KLHDC10: variants seen among roughly 807,000 people sequenced by gnomAD.
The protein encoded by KLHDC10 is kelch domain-containing protein 10.
Under a neutral mutation model 56.1 loss-of-function variants are expected in KLHDC10, and 24 were observed. That is an observed-to-expected ratio of 0.43 (90% confidence interval 0.31 to 0.60). The LOEUF (loss-of-function observed/expected upper bound fraction) is 0.60, where lower values mean the gene tolerates loss of function less well. Among genes scored for constraint, KLHDC10 ranks in the 20% least tolerant of loss-of-function variants. KLHDC10 has a pLI of 0.11. For synonymous variants in KLHDC10, 188 were observed against 207.1 expected (o/e 0.91, Z 0.79); for missense variants, 349 against 567.0 (o/e 0.62, Z 3.91).
At chr7:130,085,784 A>T (rs1795680174) in intron 1 of KLHDC10, among the ~76,000 whole-genome samples, 1 of 148,594 alleles carries the variant, frequency 6.7e-6, no homozygotes, top group Non-Finnish European at 1.5e-5. Flanking sequence ...CAGTGAGCCG[A>T]CATTGCACCA....
intron 2 of KLHDC10, among the ~76,000 whole-genome samples, chr7:130,107,872 C>T (rs1260060345): frequency 1.7e-5 from 2 of 116,014 alleles, no homozygotes; most frequent in African/African-American, 7.2e-5. Context: ...AAAAAAGAGC[C>T]GGACGCGGTG....
In KLHDC10 at chr7:130,130,067, A is replaced by G. The variant is rs1215750696; in HGVS notation, c.1120-470A>G. Among the ~76,000 whole-genome samples, 3 of 152,102 alleles carry G rather than the reference A, an allele frequency of 2.0e-5. No homozygotes were observed. Among genetic ancestry groups the G allele is most frequent in the African/African-American group, 7.2e-5 (3 of 41,416 alleles). On this transcript the variant is annotated intron_variant, in intron 9 of 9. Transcript: ENST00000335420. The surrounding 1 kb of genome is among the most constrained non-coding windows in gnomAD (Gnocchi z 4.2). ...CGCGGTGGCTCAGGCCTGTAATCCC[A>G]GCACTTTGGGAGGCCAAGGTGGGCG...
Position 130,109,936 on chromosome 7 carries a change from G to T in KLHDC10, c.254-6509G>T, listed in dbSNP as rs956911165. 2.0e-5 allele frequency among the ~76,000 whole-genome samples: 3 copies of T among 152,340 alleles called. No individual in the cohort carries two copies. The East Asian group carries it at 5.8e-4, about 29-fold the overall frequency. ...TTACAGGCATGACCCACCGTGCTGG[G>T]CCAATAATGTTCTTTAATAGCAGTA... On this transcript the variant is annotated intron_variant, in intron 2 of 9. Transcript: ENST00000335420.
At chr7:130,078,968 A>G (rs1464264507) in intron 1 of KLHDC10, among the ~76,000 whole-genome samples, 1 of 152,192 alleles carries the variant, frequency 6.6e-6, no homozygotes, top group African/African-American at 2.4e-5. Context: ...TTAAGATTAG[A>G]TCTGGCTTTA....
At chr7:130,095,054 A>G (rs939050363) in intron 1 of KLHDC10, 9 of 152,080 alleles carry the variant, frequency 5.9e-5, no homozygotes, top group African/African-American at 2.2e-4. Flanking sequence ...ATTAGAATGT[A>G]AACTTAAGGG....
At position 130,134,259 on chromosome 7, in the gene KLHDC10, A is replaced by G. The variant is rs1253861842; in HGVS notation, c.*3513A>G. The G allele has an allele frequency of 2.0e-5, 3 of 152,342 alleles. No homozygotes were observed. The highest frequency in any genetic ancestry group is 4.4e-5 in the Non-Finnish European group (3 of 68,038). 9.4% of individuals were successfully genotyped at this position (152,342 alleles called of 1,614,324 possible). A position where few individuals can be genotyped will look rare whatever the true frequency, so the allele number is the denominator to read the frequency against. ...AAGGAATAATCAGTAGGAGCTGACA[A>G]CCAGTGACCATATAAGCAGCTGATT... On this transcript the variant is annotated 3_prime_UTR_variant, in exon 10 of 10. Coordinates refer to ENST00000335420, the MANE Select transcript of KLHDC10 (RefSeq NM_014997.4).
intron 1 of KLHDC10, among the ~76,000 whole-genome samples, chr7:130,093,265 C>T (rs1002186898): frequency 6.6e-6 from 1 of 152,044 alleles, no homozygotes; most frequent in African/African-American, 2.4e-5. Context: ...AGTGCAGTGG[C>T]GTGATCTTGG....
intron 2 of KLHDC10, among the ~76,000 whole-genome samples, chr7:130,100,873 G>T (rs975546359): frequency 6.6e-5 from 10 of 151,970 alleles, no homozygotes; most frequent in Non-Finnish European, 1.3e-4. Context: ...CAGTAATGGC[G>T]TAATGAAAAC....
chr7:130,098,247 C>T (rs1795879017), intron 2 of KLHDC10, among the ~76,000 whole-genome samples: 1 of 152,096 alleles, frequency 6.6e-6, no homozygotes, highest in Admixed American at 6.6e-5. Flanking sequence ...AATCCCAGCT[C>T]TTTGGGAGGC....
chr7:130,126,027 C>A, intron 7 of KLHDC10, 96 bp downstream of exon 7: 1 of 868,272 alleles, frequency 1.2e-6, no homozygotes, highest in South Asian at 1.7e-5. Context: ...AGTTATATGT[C>A]AAGTTAAATA....
rs3043725 is a variant in KLHDC10 at position 130,107,843 on chromosome 7, C to CAAAAAAAAAAAAAAAAAAAAA, written c.254-8598_254-8578dup. On this transcript the variant is annotated intron_variant, in intron 2 of 9. Transcript: ENST00000335420. ...TGGGCGACAGAGTGGGACTCCGTCT[C>CAAAAAAAAAAAAAAAAAAAAA]AAAAAAAAAAAAAAAAAAAAAAAAG... is the stretch of plus-strand genomic sequence containing the variant. Among the ~76,000 whole-genome samples, 2 of 26,036 alleles carry CAAAAAAAAAAAAAAAAAAAAA rather than the reference C, an allele frequency of 7.7e-5. 1 individual carries two copies. The highest frequency in any genetic ancestry group is 1.1e-4 in the Non-Finnish European group (2 of 17,552). The allele number at this position is 26,036 out of a possible 152,430, so 17.1% of individuals were successfully genotyped here.
At chr7:130,129,797 C>T (rs1796371336) in intron 9 of KLHDC10, among the ~76,000 whole-genome samples, 1 of 152,130 alleles carries the variant, frequency 6.6e-6, no homozygotes, top group South Asian at 2.1e-4. Context: ...AGAAATGCTA[C>T]CTGTGGCATT....
chr7:130,104,902 G>T (rs1197672862), intron 2 of KLHDC10, among the ~76,000 whole-genome samples: 2 of 152,088 alleles, frequency 1.3e-5, no homozygotes, highest in Admixed American at 6.5e-5. Context: ...CCAACACTGG[G>T]GATTACAATT....
intron 1 of KLHDC10, among the ~76,000 whole-genome samples, chr7:130,084,141 T>A (rs1483253292): frequency 1.3e-5 from 2 of 152,230 alleles, no homozygotes; most frequent in African/African-American, 4.8e-5. Context: ...ACATGCTTCA[T>A]ATTTCTGAAG....
chr7:130,079,405 T>C (rs1024740489), intron 1 of KLHDC10, among the ~76,000 whole-genome samples: 3 of 152,172 alleles, frequency 2.0e-5, no homozygotes, highest in Non-Finnish European at 4.4e-5. Flanking sequence ...TGTATTTTAT[T>C]AGAAGTAATG....
Position 130,127,460 on chromosome 7 carries a change from T to C in KLHDC10, c.979+9T>C. ...TGTTCAAATAAAAAATGGTAAGGAT[T>C]CTAAATAACATTTTGCTTCCATTTC... On this transcript the variant is annotated intron_variant, in intron 8 of 9. Coordinates refer to ENST00000335420, the MANE Select transcript of KLHDC10 (RefSeq NM_014997.4). The C allele has an allele frequency of 1.3e-6, 2 of 1,595,208 alleles. No homozygotes were observed. The highest frequency in any genetic ancestry group is 1.7e-6 in the Non-Finnish European group (2 of 1,162,910).
chr7:130,098,169 A>G (rs1156255220), intron 2 of KLHDC10, among the ~76,000 whole-genome samples: 1 of 152,176 alleles, frequency 6.6e-6, no homozygotes, highest in African/African-American at 2.4e-5. Flanking sequence ...AAGATGGTGT[A>G]CCACCTTTTA....
intron 1 of KLHDC10, among the ~76,000 whole-genome samples, chr7:130,077,225 G>C (rs1173459148): frequency 4.6e-5 from 7 of 151,240 alleles, no homozygotes; most frequent in Admixed American, 4.0e-4. Flanking sequence ...CTTGGTGGCA[G>C]GTGCCTGTAA....
intron 2 of KLHDC10, among the ~76,000 whole-genome samples, chr7:130,114,192 C>G (rs539631932): frequency 6.6e-6 from 1 of 152,220 alleles, no homozygotes; most frequent in East Asian, 1.9e-4. Context: ...TATACATGAC[C>G]TTTGCCCTTG....
Sources: allele counts gnomAD v4.1 joint callset (sites outside exome capture counted in the v4.1 genomes callset), GRCh38; gene constraint gnomAD v4.1.1; non-coding constraint Gnocchi (gnomAD v3.1); transcripts MANE v1.5; gene names NCBI Gene and HGNC (gene_info 2026-07-23, HGNC 2026-07-21).